Variants in CPVL observed in about 807,000 individuals in gnomAD.
CPVL encodes the protein carboxypeptidase vitellogenic like.
CPVL carries 51 observed loss-of-function variants against 63.7 expected under a neutral mutation model. The observed-to-expected ratio is 0.80, with a 90% CI of 0.64 to 1.01. The LOEUF (loss-of-function observed/expected upper bound fraction) is 1.01, where lower values mean the gene tolerates loss of function less well. Ranked by LOEUF, CPVL falls within the 50% of genes least tolerant of loss-of-function variation. CPVL has a pLI of 0.00. For synonymous variants in CPVL, 195 were observed against 206.0 expected (o/e 0.95, Z 0.46); for missense variants, 530 against 573.1 (o/e 0.92, Z 0.77).
At chr7:29,057,523 T>C (rs1790861291) in intron 11 of CPVL, among the ~76,000 whole-genome samples, 1 of 152,242 alleles carries the variant, frequency 6.6e-6, no homozygotes, top group African/African-American at 2.4e-5. Context: ...TTCTCAATTA[T>C]TTCTTTCATG....
At chr7:29,160,964 T>C (rs1012597612) in intron 5 of CPVL, among the ~76,000 whole-genome samples, 3 of 152,220 alleles carry the variant, frequency 2.0e-5, no homozygotes, top group Non-Finnish European at 2.9e-5. Flanking sequence ...ACAAGTGTCA[T>C]TTTCTTGAGT....
intron 12 of CPVL, among the ~76,000 whole-genome samples, chr7:29,018,658 C>T (rs1381248596): frequency 1.3e-5 from 2 of 152,100 alleles, no homozygotes; most frequent in East Asian, 1.9e-4. Flanking sequence ...GGATTACAGG[C>T]GTCAGCAACC....
At chr7:29,145,617 T>C (rs1393549507) in intron 1 of CPVL, among the ~76,000 whole-genome samples, 2 of 152,124 alleles carry the variant, frequency 1.3e-5, no homozygotes, top group African/African-American at 4.8e-5. Flanking sequence ...TAAGGAAAAT[T>C]ACACTTAGCT....
At chr7:29,158,437 A>G (rs969418745) in intron 5 of CPVL, among the ~76,000 whole-genome samples, 1 of 152,242 alleles carries the variant, frequency 6.6e-6, no homozygotes, top group Non-Finnish European at 1.5e-5. Context: ...GTGTAAAGCT[A>G]TGATGTGTGT....
chr7:29,121,488 T>C (rs1181142674), intron 1 of CPVL, among the ~76,000 whole-genome samples: 1 of 152,034 alleles, frequency 6.6e-6, no homozygotes, highest in East Asian at 1.9e-4. Context: ...GGAAAGTAAA[T>C]TCAATGGAGG....
intron 11 of CPVL, among the ~76,000 whole-genome samples, chr7:29,046,236 C>G (rs925582182): frequency 6.6e-6 from 1 of 152,014 alleles, no homozygotes; most frequent in Admixed American, 6.6e-5. Flanking sequence ...AGGCATGCAC[C>G]ACCACACCCG....
chr7:29,019,112 A>C (rs894590713), intron 12 of CPVL, among the ~76,000 whole-genome samples: 2 of 152,122 alleles, frequency 1.3e-5, no homozygotes, highest in African/African-American at 4.8e-5. Flanking sequence ...ACATTTGCTG[A>C]AAGACACTAC....
At chr7:29,062,786 G>A (rs923716302) in intron 11 of CPVL, among the ~76,000 whole-genome samples, 18 of 152,166 alleles carry the variant, frequency 1.2e-4, no homozygotes, top group African/African-American at 3.9e-4. Context: ...CAGTATATCA[G>A]GACAATTTCT....
At chr7:29,127,462 C>T (rs1790155546) in intron 1 of CPVL, 1 of 152,280 alleles carries the variant, frequency 6.6e-6, no homozygotes, top group East Asian at 1.9e-4. Context: ...AGACGAGATA[C>T]CGATCCTCAG....
At chr7:29,184,904 T>C (rs1035181937) in intron 3 of CPVL, among the ~76,000 whole-genome samples, 1 of 152,198 alleles carries the variant, frequency 6.6e-6, no homozygotes, top group African/African-American at 2.4e-5. Context: ...GGAGTTTATG[T>C]GGATAAGGAC....
intron 3 of CPVL, among the ~76,000 whole-genome samples, chr7:29,106,647 G>A (rs142200046): frequency 1.3e-5 from 2 of 152,164 alleles, no homozygotes; most frequent in Admixed American, 1.3e-4. Flanking sequence ...GCAGAACAGG[G>A]AAGAGGGTAG....
intron 11 of CPVL, among the ~76,000 whole-genome samples, chr7:29,050,050 T>A (rs958636167): frequency 1.3e-5 from 2 of 152,034 alleles, no homozygotes; most frequent in African/African-American, 2.4e-5. Flanking sequence ...AACATAATAC[T>A]GAATAGGGAA....
intron 12 of CPVL, chr7:29,012,617 A>C (rs1181935618): frequency 6.6e-6 from 1 of 152,196 alleles, no homozygotes; most frequent in Non-Finnish European, 1.5e-5. Flanking sequence ...GACAGAGACA[A>C]TGCTTCAGGT....
intron 11 of CPVL, among the ~76,000 whole-genome samples, chr7:29,039,620 G>A (rs1157816503): frequency 1.3e-5 from 2 of 151,906 alleles, no homozygotes; most frequent in African/African-American, 4.8e-5. Context: ...AATCATGTGA[G>A]GTCCACTTAC....
intron 6 of CPVL, among the ~76,000 whole-genome samples, chr7:29,091,405 G>A (rs1785769828): frequency 6.6e-6 from 1 of 152,034 alleles, no homozygotes; most frequent in African/African-American, 2.4e-5. Flanking sequence ...AGAGGGATGG[G>A]AGGTGGGGGC....
chr7:29,134,938 A>G (rs997299555), intron 1 of CPVL, among the ~76,000 whole-genome samples: 12 of 151,916 alleles, frequency 7.9e-5, no homozygotes, highest in Non-Finnish European at 1.8e-4. Context: ...CATTTCTACA[A>G]AAAAGGTTTA....
intron 12 of CPVL, chr7:29,009,136 C>G (rs868775837): frequency 2.6e-4 from 38 of 145,624 alleles, no homozygotes; most frequent in Non-Finnish European, 7.4e-5. Context: ...GAAATGTCCA[C>G]TCTGCCTTCG....
At chr7:29,037,568 A>AAAG (rs1788669010) in intron 11 of CPVL, among the ~76,000 whole-genome samples, 1 of 141,602 alleles carries the variant, frequency 7.1e-6, no homozygotes, top group African/African-American at 2.9e-5. Context: ...AAAAAAAAAA[A>AAAG]AAAAGAAAAG....
At chr7:29,146,816 A>G (rs1390617730), upstream of CPVL, 7 of 1,550,320 alleles carry the variant, frequency 4.5e-6, no homozygotes, top group Admixed American at 9.8e-5. Context: ...TAAAATTTCA[A>G]CCCTGTATTT....
Sources: allele counts gnomAD v4.1 joint callset (sites outside exome capture counted in the v4.1 genomes callset), GRCh38; gene constraint gnomAD v4.1.1; transcripts MANE v1.5; gene names NCBI Gene and HGNC (gene_info 2026-07-23, HGNC 2026-07-21).